GLDC: variants seen among roughly 807,000 people sequenced by gnomAD.
The protein encoded by GLDC is glycine decarboxylase, also known as glycine dehydrogenase (decarboxylating), mitochondrial.
GLDC carries 104 observed loss-of-function variants against 121.3 expected under a neutral mutation model. That is an observed-to-expected ratio of 0.86 (90% CI 0.73 to 1.01). GLDC has a LOEUF of 1.01. GLDC is among the 50% of genes least tolerant of loss of function. GLDC has a pLI of 0.00. For synonymous variants in GLDC, 546 were observed against 480.6 expected, an observed-to-expected ratio of 1.14 and a Z score of -1.78; for missense variants, 1,429 against 1,306.6, an observed-to-expected ratio of 1.09 and a Z score of -1.44.
At chr9:6,559,571 G>A (rs954271524) in intron 16 of GLDC, among the ~76,000 whole-genome samples, 2 of 139,832 alleles carry the variant, frequency 1.4e-5, no homozygotes, top group Middle Eastern at 3.8e-3. Flanking sequence ...GGTGGCTCAC[G>A]CCTGTAATCC....
chr9:6,563,697 G>A (rs1274660567), intron 16 of GLDC, among the ~76,000 whole-genome samples: 3 of 152,206 alleles, frequency 2.0e-5, no homozygotes, highest in South Asian at 2.1e-4. Flanking sequence ...TCAGAACCAC[G>A]AATGAACAAA....
At chr9:6,613,636 G>C (rs931413340) in intron 3 of GLDC, among the ~76,000 whole-genome samples, 1 of 152,020 alleles carries the variant, frequency 6.6e-6, no homozygotes, top group East Asian at 1.9e-4. Flanking sequence ...GGTAAATCTT[G>C]ATTTATTTAA....
At chr9:6,581,952 C>T (rs937579536) in intron 15 of GLDC, among the ~76,000 whole-genome samples, 44 of 152,152 alleles carry the variant, frequency 2.9e-4, no homozygotes, top group African/African-American at 8.9e-4. Context: ...GTGGTGTTCC[C>T]GCCTGTAACC....
At chr9:6,643,357 G>T (rs1335385725) in intron 2 of GLDC, among the ~76,000 whole-genome samples, 1 of 151,320 alleles carries the variant, frequency 6.6e-6, no homozygotes, top group Non-Finnish European at 1.5e-5. Flanking sequence ...CAGCCAACCT[G>T]AAGCAGATAG....
intron 13 of GLDC, 81 bp downstream of exon 13, chr9:6,588,537 C>T: frequency 6.9e-7 from 1 of 1,445,788 alleles, no homozygotes; most frequent in Non-Finnish European, 9.7e-7. Context: ...CCCTTTGTTG[C>T]TCTTGGAGCA....
intron 16 of GLDC, among the ~76,000 whole-genome samples, chr9:6,560,984 G>C (rs537279992): frequency 6.6e-6 from 1 of 152,188 alleles, no homozygotes; most frequent in Non-Finnish European, 1.5e-5. Context: ...CAGGAAGCTC[G>C]AGCCAAGGAA....
intron 15 of GLDC, among the ~76,000 whole-genome samples, chr9:6,579,927 G>A (rs1043568097): frequency 6.6e-5 from 10 of 152,174 alleles, no homozygotes; most frequent in Admixed American, 5.2e-4. Context: ...TCAGGTTGCT[G>A]CAACATCTTC....
At chr9:6,590,344 T>A (rs1041607988) in intron 11 of GLDC, among the ~76,000 whole-genome samples, 19 of 152,264 alleles carry the variant, frequency 1.2e-4, no homozygotes, top group African/African-American at 4.3e-4. Flanking sequence ...GCCAGGCTAA[T>A]AATATGACTA....
In GLDC at chr9:6,545,979, A is replaced by G. The variant is rs1432156362; in HGVS notation, c.2569+4824T>C. Among the ~76,000 whole-genome samples the G allele has an allele frequency of 4.6e-5, 7 of 152,090 alleles. No individual in the cohort carries two copies. In the East Asian group the frequency reaches 1.3e-3, roughly 29 times the overall value. On this transcript the variant is annotated intron_variant, in intron 21 of 24. Coordinates refer to ENST00000321612, the MANE Select transcript of GLDC (RefSeq NM_000170.3). ...TTACTTTATAAACTAAATTTTTTAA[A>G]CCTTTCTGACTCTTTTGTAATAACA... is the stretch of plus-strand genomic sequence containing the variant.
Position 6,582,384 on chromosome 9 carries a change from G to T in GLDC, c.1850+4757C>A, listed in dbSNP as rs113218135. 7.6e-3 allele frequency among the ~76,000 whole-genome samples: 1,161 copies of T among 151,872 alleles called. 7 individuals carry two copies. Among genetic ancestry groups the T allele is most frequent in the Middle Eastern group, 0.017 (5 of 290 alleles). Reference sequence around the variant, plus strand: ...AAATACAAAAAAATTTGCCGGCCACGGGGGCAGGCACCTGTAATCCCAGCT... The same window carrying T: ...AAATACAAAAAAATTTGCCGGCCACTGGGGCAGGCACCTGTAATCCCAGCT... On this transcript the variant is annotated intron_variant, in intron 15 of 24. Transcript: ENST00000321612.
chr9:6,628,917 C>A (rs1032902057), intron 2 of GLDC, among the ~76,000 whole-genome samples: 6 of 152,078 alleles, frequency 3.9e-5, no homozygotes, highest in Admixed American at 2.0e-4. Context: ...TGCTTCTGAC[C>A]TTGTTTATTC....
intron 2 of GLDC, among the ~76,000 whole-genome samples, chr9:6,628,770 G>T (rs1036534708): frequency 2.6e-5 from 4 of 152,192 alleles, no homozygotes; most frequent in African/African-American, 9.7e-5. Context: ...AGACAAGATG[G>T]CATCTTCCGG....
intron 4 of GLDC, among the ~76,000 whole-genome samples, chr9:6,608,093 G>A (rs1818772229): frequency 1.3e-5 from 2 of 151,636 alleles, no homozygotes; most frequent in Admixed American, 6.6e-5. Context: ...CCCCAGCCTG[G>A]GTGACAAAGT....
At chr9:6,594,913 T>G (rs916272062) in intron 9 of GLDC, 101 bp downstream of exon 9, 9 of 794,046 alleles carry the variant, frequency 1.1e-5, no homozygotes, top group South Asian at 8.2e-5. Context: ...CTCACTTGAC[T>G]TTTAATTTTG....
At chr9:6,574,866 G>A (rs60543727) in intron 15 of GLDC, among the ~76,000 whole-genome samples, 3,034 of 152,192 alleles carry the variant, frequency 0.02, 110 homozygotes, top group African/African-American at 0.067. Context: ...CAGGAAGGGA[G>A]GGGAGGGAGA....
At chr9:6,565,027 G>A (rs1454391599) in intron 16 of GLDC, among the ~76,000 whole-genome samples, 2 of 152,218 alleles carry the variant, frequency 1.3e-5, no homozygotes, top group Non-Finnish European at 2.9e-5. Context: ...CCGGGGCTGA[G>A]CCAAGGAGAG....
chr9:6,602,528 T>C (rs1047910812), intron 7 of GLDC, among the ~76,000 whole-genome samples: 12 of 152,096 alleles, frequency 7.9e-5, no homozygotes, highest in East Asian at 5.8e-4. Flanking sequence ...AATTTTTGTA[T>C]TTTTAGTAGA....
chr9:6,542,665 C>T (rs1036836353), intron 21 of GLDC, among the ~76,000 whole-genome samples: 27 of 151,950 alleles, frequency 1.8e-4, no homozygotes, highest in African/African-American at 4.6e-4. Flanking sequence ...GCAGGAAGAT[C>T]GCTTGAGCCC....
intron 21 of GLDC, among the ~76,000 whole-genome samples, chr9:6,548,634 G>C (rs895434605): frequency 2.0e-5 from 3 of 152,160 alleles, no homozygotes; most frequent in African/African-American, 7.2e-5. Flanking sequence ...ACCTGGACCA[G>C]AGAAACCAAG....
Sources: allele counts gnomAD v4.1 joint callset (sites outside exome capture counted in the v4.1 genomes callset), GRCh38; gene constraint gnomAD v4.1.1; transcripts MANE v1.5; gene names NCBI Gene and HGNC (gene_info 2026-07-23, HGNC 2026-07-21).